The following FLI1 variants were observed in gnomAD, a reference collection of about 807,000 sequenced individuals.
The protein encoded by FLI1 is Fli-1 proto-oncogene, ETS transcription factor.
FLI1 carries 13 observed loss-of-function variants against 53.1 expected under a neutral mutation model. The ratio of observed to expected loss-of-function variants is 0.24; its 90% CI spans 0.16 to 0.39. FLI1 has a LOEUF of 0.39. Ranked by LOEUF, FLI1 falls within the 10% of genes least tolerant of loss-of-function variation. The pLI is 1.00. For synonymous variants in FLI1, 244 were observed against 236.7 expected (o/e 1.03, Z -0.28); for missense variants, 424 against 600.5 (o/e 0.71, Z 3.07).
chr11:128,798,330 C>T (rs1245001058), intron 5 of FLI1, among the ~76,000 whole-genome samples: 1 of 152,218 alleles, frequency 6.6e-6, no homozygotes, highest in East Asian at 1.9e-4. Context: ...GTCATTTAGA[C>T]ATCTGTGTCA....
intron 1 of FLI1, among the ~76,000 whole-genome samples, chr11:128,712,112 G>A (rs1225607917): frequency 2.6e-5 from 4 of 152,140 alleles, no homozygotes; most frequent in East Asian, 1.9e-4. Context: ...ATCATGGGGG[G>A]CAGATCCCTG....
chr11:128,797,978 A>G lies in FLI1; in HGVS notation c.656-7388A>G, dbSNP rs573158164. Among the ~76,000 whole-genome samples, 71 of 152,256 alleles carry G rather than the reference A, an allele frequency of 4.7e-4. 2 individuals are homozygous for G. The South Asian group carries it at 0.013, about 29-fold the overall frequency. Reference sequence around the variant, plus strand: ...AGAAGCTGAATGTTACGCAGACCCAAGAGTGTATCCCCTATGGCCAAGGAG... The same window carrying G: ...AGAAGCTGAATGTTACGCAGACCCAGGAGTGTATCCCCTATGGCCAAGGAG... On this transcript the variant is annotated intron_variant, in intron 5 of 8. Transcript: ENST00000527786.
At chr11:128,718,453 G>A (rs192546443) in intron 1 of FLI1, among the ~76,000 whole-genome samples, 19 of 152,200 alleles carry the variant, frequency 1.2e-4, no homozygotes, top group Admixed American at 5.2e-4. Context: ...GGCTCCCCCA[G>A]AGCTGGCAGC....
At chr11:128,705,578 A>G (rs1331299225) in intron 1 of FLI1, among the ~76,000 whole-genome samples, 1 of 152,244 alleles carries the variant, frequency 6.6e-6, no homozygotes, top group Non-Finnish European at 1.5e-5. Context: ...AACACAAAGA[A>G]GGGAATGTTT....
At chr11:128,721,645 CA>C (rs558814133) in intron 1 of FLI1, among the ~76,000 whole-genome samples, 294 of 152,304 alleles carry the variant, frequency 1.9e-3, no homozygotes, top group South Asian at 6.8e-3. Context: ...CCCTTGTGGT[CA>C]GGGAGTTCCT....
At chr11:128,710,300 C>A (rs1938735171) in intron 1 of FLI1, among the ~76,000 whole-genome samples, 1 of 152,126 alleles carries the variant, frequency 6.6e-6, no homozygotes, top group African/African-American at 2.4e-5. Context: ...AGTGCTCATT[C>A]AGACATTTAG....
chr11:128,748,676 T>A (rs1940519058), intron 1 of FLI1, among the ~76,000 whole-genome samples: 1 of 151,802 alleles, frequency 6.6e-6, no homozygotes, highest in Non-Finnish European at 1.5e-5. Flanking sequence ...AGCCGGACAC[T>A]CTGAAGCTCT....
chr11:128,787,506 C>T (rs955116192), intron 5 of FLI1, among the ~76,000 whole-genome samples: 7 of 152,218 alleles, frequency 4.6e-5, no homozygotes, highest in African/African-American at 1.4e-4. Context: ...CTCAATTTAC[C>T]GAAGGTGGGC....
At chr11:128,778,829 G>C (rs543097939) in intron 4 of FLI1, among the ~76,000 whole-genome samples, 1 of 152,320 alleles carries the variant, frequency 6.6e-6, no homozygotes, top group Non-Finnish European at 1.5e-5. Context: ...AAGCCACAGA[G>C]AGGGAGGCCA....
chr11:128,711,034 T>C (rs575800764), intron 1 of FLI1, among the ~76,000 whole-genome samples: 1 of 152,210 alleles, frequency 6.6e-6, no homozygotes, highest in Admixed American at 6.5e-5. Context: ...TCTACAAACA[T>C]GGAAATGTCC....
At chr11:128,686,623 A>G in exon 1 of FLI1, 4 of 381,310 alleles carry the variant, frequency 1.0e-5, no homozygotes, top group South Asian at 7.6e-5. Context: ...TCTCCCTCCC[A>G]GGCTGGTTCT....
chr11:128,795,467 C>T (rs972574104), intron 5 of FLI1, among the ~76,000 whole-genome samples: 11 of 151,052 alleles, frequency 7.3e-5, no homozygotes, highest in Non-Finnish European at 1.5e-4. Flanking sequence ...TTGGTTGACA[C>T]AAGAAAAATT....
intron 1 of FLI1, among the ~76,000 whole-genome samples, chr11:128,729,858 T>C (rs1190323661): frequency 6.6e-6 from 1 of 152,242 alleles, no homozygotes; most frequent in East Asian, 1.9e-4. Flanking sequence ...AAAGAGATGC[T>C]TATTTTTTCA....
At chr11:128,770,998 C>T (rs1941531293) in intron 3 of FLI1, among the ~76,000 whole-genome samples, 1 of 152,182 alleles carries the variant, frequency 6.6e-6, no homozygotes, top group African/African-American at 2.4e-5. Flanking sequence ...TTTGGGGGAA[C>T]CCACCTCTTC....
chr11:128,759,806 C>G (rs1269074259), intron 2 of FLI1, among the ~76,000 whole-genome samples: 6 of 152,338 alleles, frequency 3.9e-5, no homozygotes, highest in African/African-American at 1.4e-4. Context: ...GATAATCTTT[C>G]AGGCCTGGAA....
At chr11:128,776,740 T>C (rs1941738979) in intron 4 of FLI1, among the ~76,000 whole-genome samples, 2 of 152,088 alleles carry the variant, frequency 1.3e-5, no homozygotes, top group Non-Finnish European at 1.5e-5. Context: ...GCTTCAGAAA[T>C]TGGTTCAAAG....
intron 1 of FLI1, among the ~76,000 whole-genome samples, chr11:128,731,449 A>G (rs1418394128): frequency 6.6e-6 from 1 of 150,652 alleles, no homozygotes; most frequent in East Asian, 2.0e-4. Flanking sequence ...GAGGTCAAGT[A>G]TGAAAGGGTG....
At chr11:128,717,323 G>C (rs943436741) in intron 1 of FLI1, among the ~76,000 whole-genome samples, 3 of 152,160 alleles carry the variant, frequency 2.0e-5, no homozygotes, top group East Asian at 1.9e-4. Context: ...CTCACTAATA[G>C]AAAAGCACAC....
At chr11:128,776,581 G>T (rs1339373301) in intron 4 of FLI1, among the ~76,000 whole-genome samples, 1 of 152,166 alleles carries the variant, frequency 6.6e-6, no homozygotes, top group Non-Finnish European at 1.5e-5. Context: ...AATGCGGGAG[G>T]GGGAGGCTGC....
Sources: allele counts gnomAD v4.1 joint callset (sites outside exome capture counted in the v4.1 genomes callset), GRCh38; gene constraint gnomAD v4.1.1; transcripts MANE v1.5; gene names NCBI Gene and HGNC (gene_info 2026-07-23, HGNC 2026-07-21).